PLD1: variants seen among roughly 807,000 people sequenced by gnomAD.
The protein encoded by PLD1 is phospholipase D1.
Under a neutral mutation model 137.1 loss-of-function variants are expected in PLD1, and 112 were observed. The observed-to-expected ratio is 0.82, with a 90% CI of 0.70 to 0.96. The LOEUF (loss-of-function observed/expected upper bound fraction) is 0.96. PLD1 is among the 40% of genes least tolerant of loss of function. The pLI is 0.00. For missense variants in PLD1, 1,321 were observed against 1,342.0 expected (o/e 0.98, Z 0.24); for synonymous variants, 431 against 454.7 (o/e 0.95, Z 0.66).
intron 23 of PLD1, among the ~76,000 whole-genome samples, chr3:171,626,053 C>T (rs553361568): frequency 1.8e-4 from 27 of 152,204 alleles, no homozygotes; most frequent in East Asian, 5.8e-4. Context: ...CAAACTACTC[C>T]GAGCTACAGG....
At chr3:171,641,099 T>A (rs1393813153) in intron 23 of PLD1, among the ~76,000 whole-genome samples, 3 of 152,188 alleles carry the variant, frequency 2.0e-5, no homozygotes, top group Non-Finnish European at 4.4e-5. Flanking sequence ...TTAACCCTGA[T>A]CTGCTCCCTC....
At chr3:171,668,935 C>T (rs1712447413) in intron 19 of PLD1, among the ~76,000 whole-genome samples, 1 of 152,182 alleles carries the variant, frequency 6.6e-6, no homozygotes, top group Non-Finnish European at 1.5e-5. Flanking sequence ...AGGACCATCT[C>T]TCCCACTTCC....
At chr3:171,771,260 A>G (rs1238419081) in intron 1 of PLD1, 1 of 152,128 alleles carries the variant, frequency 6.6e-6, no homozygotes, top group African/African-American at 2.4e-5. Context: ...TATGAAACCA[A>G]TCTCCAAGGC....
chr3:171,778,490 A>G (rs1722663406), intron 1 of PLD1, among the ~76,000 whole-genome samples: 1 of 152,200 alleles, frequency 6.6e-6, no homozygotes, highest in African/African-American at 2.4e-5. Flanking sequence ...AGATGGCATA[A>G]GTGGCGAGGT....
chr3:171,763,720 A>G (rs1053199095), intron 1 of PLD1, among the ~76,000 whole-genome samples: 1 of 151,954 alleles, frequency 6.6e-6, no homozygotes, highest in African/African-American at 2.4e-5. Flanking sequence ...ATGTATGTGT[A>G]TATGTTTAAT....
rs376690962 is a variant in PLD1, at chr3:171,686,421, G to C, written c.1867+264C>G. The stretch of plus-strand genomic sequence containing the variant: ...AGAGGAATTCCTCCCTCCTTCCATA[G>C]AACTTCCATGACACTATTGAATTGC... On this transcript the variant is annotated intron_variant, in intron 16 of 26. Transcript: ENST00000351298. Among the ~76,000 whole-genome samples the C allele has an allele frequency of 7.2e-5, 11 of 152,216 alleles. No homozygotes were observed. The South Asian group carries it at 8.3e-4, about 11-fold the overall frequency.
intron 1 of PLD1, among the ~76,000 whole-genome samples, chr3:171,786,077 T>G (rs1470697670): frequency 6.6e-6 from 1 of 152,186 alleles, no homozygotes; most frequent in Non-Finnish European, 1.5e-5. Context: ...AACAGTATTA[T>G]AGGATTAAGG....
chr3:171,629,060 G>A (rs1734409933), intron 23 of PLD1, among the ~76,000 whole-genome samples: 1 of 150,284 alleles, frequency 6.7e-6, no homozygotes, highest in South Asian at 2.1e-4. Flanking sequence ...TAGGAAAAGA[G>A]GAAGTCAAAT....
chr3:171,662,789 G>A (rs548094121), intron 19 of PLD1, among the ~76,000 whole-genome samples: 88 of 152,262 alleles, frequency 5.8e-4, no homozygotes, highest in African/African-American at 1.9e-3. Context: ...TCCATGGCAC[G>A]CCACTTTAGT....
chr3:171,700,101 C>T (rs754987807), intron 11 of PLD1, among the ~76,000 whole-genome samples: 2 of 150,058 alleles, frequency 1.3e-5, no homozygotes, highest in Non-Finnish European at 3.0e-5. Flanking sequence ...CATATGCACA[C>T]AGGTACTGTT....
At chr3:171,782,461 A>C (rs1722832174) in intron 1 of PLD1, among the ~76,000 whole-genome samples, 1 of 152,250 alleles carries the variant, frequency 6.6e-6, no homozygotes, top group Non-Finnish European at 1.5e-5. Flanking sequence ...TGTACCCTGA[A>C]ATGTTTAGGA....
At chr3:171,638,026 C>CA (rs947824885) in intron 23 of PLD1, among the ~76,000 whole-genome samples, 2 of 150,316 alleles carry the variant, frequency 1.3e-5, no homozygotes, top group African/African-American at 2.4e-5. Flanking sequence ...TAAAAAAATA[C>CA]AAAAAAAAAT....
At chr3:171,682,613 T>C (rs1352223490) in intron 16 of PLD1, among the ~76,000 whole-genome samples, 1 of 152,276 alleles carries the variant, frequency 6.6e-6, no homozygotes, top group African/African-American at 2.4e-5. Flanking sequence ...AGGTATTACA[T>C]GATTTAAATC....
Position 171,642,855 on chromosome 3 carries a change from G to A in PLD1, c.2578C>T (p.Gln860Ter), listed in dbSNP as rs745473334. The change falls in exon 23 of 27, where the codon CAG becomes TAG. Residue 860 changes from glutamine (Q) to a stop codon, truncating the protein, a stop_gained. Coordinates refer to ENST00000351298, the MANE Select transcript of PLD1 (RefSeq NM_002662.5). LOFTEE classifies it high-confidence loss of function. ...MCRGENSILGQLKAELGNQWI... is the reference protein window; with the variant it reads ...MCRGENSILG ...AGTTACTTACGCTCTGCTTTTAACT[G>A]TCCAAGGATGGAATTTTCTCCTCTG... The A allele has an allele frequency of 1.3e-6, 2 of 1,586,532 alleles. No homozygotes were observed. The highest frequency in any genetic ancestry group is 1.7e-6 in the Non-Finnish European group (2 of 1,162,080).
At chr3:171,634,369 G>A (rs1323967808) in intron 23 of PLD1, among the ~76,000 whole-genome samples, 2 of 151,982 alleles carry the variant, frequency 1.3e-5, no homozygotes, top group South Asian at 2.1e-4. Flanking sequence ...CCTCACCTGC[G>A]CATTTTTACA....
At chr3:171,642,931 A>G (rs1423323907) in intron 22 of PLD1, 42 bp from the exon 23 acceptor site, 1 of 1,115,106 alleles carries the variant, frequency 9.0e-7, no homozygotes, top group South Asian at 1.3e-5. Context: ...GAGGTTTCAA[A>G]ACAACCAATC....
At chr3:171,809,132 CA>C (rs1724004735) in intron 1 of PLD1, 1 of 152,182 alleles carries the variant, frequency 6.6e-6, no homozygotes, top group Admixed American at 6.5e-5. Flanking sequence ...GGCAGCACTC[CA>C]ACTTTTTATA....
chr3:171,676,809 G>A lies in PLD1; in HGVS notation c.2021C>T (p.Pro674Leu), dbSNP rs763233081. Residue 674 changes from proline (P) to leucine (L), a missense_variant, in exon 18 of 27, where the codon CCC (proline) becomes CTC (leucine). Coordinates refer to ENST00000351298, the MANE Select transcript of PLD1 (RefSeq NM_002662.5). ...FADFIDRYST[P>L]RMPWHDIASA... ...GGCAATGTCATGCCAGGGCATCCGG[G>A]GCGTGGAGTACCTGTCAATGAAATC... 6.2e-7 allele frequency: 1 copy of A among 1,614,088 alleles called. No individual in the cohort carries two copies. The highest frequency in any genetic ancestry group is 2.2e-5 in the East Asian group (1 of 44,882).
intron 1 of PLD1, among the ~76,000 whole-genome samples, chr3:171,764,925 GAAAGAAAGGAAAGAAAGAAA>G (rs1721814147): frequency 3.6e-5 from 1 of 28,020 alleles, no homozygotes; most frequent in African/African-American, 1.4e-4. Context: ...AGAAAGAAAG[GAAAGAAAGGAAAGAAAGAAA>G]GAAAGAAAGA....
Sources: gnomAD v4.1 joint callset for allele counts (sites outside exome capture counted in the v4.1 genomes callset) on GRCh38, gnomAD v4.1.1 for gene constraint, MANE v1.5 for transcripts, NCBI Gene and HGNC (gene_info 2026-07-23, HGNC 2026-07-21) for gene names.